Variants in GNL2 observed in about 807,000 individuals in gnomAD.
GNL2 encodes the protein G protein nucleolar 2, also known as nucleolar GTP-binding protein 2.
A neutral mutation model predicts 92.3 loss-of-function variants in GNL2; 51 were observed. That is an observed-to-expected ratio of 0.55 (90% confidence interval 0.44 to 0.70). GNL2 has a LOEUF of 0.70. Among genes scored for constraint, GNL2 ranks in the 30% least tolerant of loss-of-function variants. GNL2 has a pLI of 0.00. For missense variants in GNL2, 844 were observed against 895.6 expected (o/e 0.94, Z 0.74); for synonymous variants, 283 against 300.6 (o/e 0.94, Z 0.61).
intron 12 of GNL2, among the ~76,000 whole-genome samples, chr1:37,573,206 A>T (rs1024209463): frequency 6.6e-6 from 1 of 152,256 alleles, no homozygotes; most frequent in Non-Finnish European, 1.5e-5. Context: ...GTCAATTAAC[A>T]TCAGTTTCAG....
chr1:37,590,841 GT>G lies in GNL2; in HGVS notation c.248del (p.Asn83ThrfsTer4). 1.3e-6 allele frequency: 2 copies of G among 1,562,766 alleles called. No individual in the cohort carries two copies. The highest frequency in any genetic ancestry group is 8.7e-7 in the Non-Finnish European group (1 of 1,155,440). On this transcript the variant is annotated frameshift_variant, in exon 4 of 16. Transcript: ENST00000373062. LOFTEE classifies it high-confidence loss of function. ...RVEPNIKWFG[N>X]TRVIKQSSLQ... Reference sequence around the variant, plus strand: ...ATGATGACTGCTTAATCACACGTGTGTTTCCTGTTTTACAAATAAAGAATGT... The same window carrying G: ...ATGATGACTGCTTAATCACACGTGTGTTCCTGTTTTACAAATAAAGAATGT...
At chr1:37,578,132 C>T (rs1015103151) in intron 8 of GNL2, among the ~76,000 whole-genome samples, 1 of 152,054 alleles carries the variant, frequency 6.6e-6, no homozygotes, top group Admixed American at 6.6e-5. Flanking sequence ...TACAGGATGT[C>T]CTCCCAACAA....
chr1:37,567,534 C>CATAG (rs1187650267), intron 15 of GNL2, 139 bp downstream of exon 15: 55 of 680,682 alleles, frequency 8.1e-5, no homozygotes, highest in Non-Finnish European at 1.5e-4. Flanking sequence ...CAGACCCGAC[C>CATAG]CTATTTATCT....
intron 8 of GNL2, among the ~76,000 whole-genome samples, chr1:37,577,017 C>T (rs1403634534): frequency 6.6e-6 from 1 of 151,424 alleles, no homozygotes; most frequent in Non-Finnish European, 1.5e-5. Flanking sequence ...GAGGCTGAGG[C>T]AGGAGAATCG....
chr1:37,595,718 T>C, intron 1 of GNL2, 41 bp downstream of exon 1: 2 of 1,579,082 alleles, frequency 1.3e-6, no homozygotes, highest in Non-Finnish European at 1.7e-6. Flanking sequence ...TTCCCTATAC[T>C]TCCTCCAAGC....
At chr1:37,574,882 C>T in intron 10 of GNL2, 59 bp from the exon 11 acceptor site, 1 of 1,248,340 alleles carries the variant, frequency 8.0e-7, no homozygotes, top group Non-Finnish European at 1.2e-6. Flanking sequence ...AGTGAAGTTC[C>T]CAGTGTCCTT....
chr1:37,579,551 A>C (rs1332697409), intron 8 of GNL2, among the ~76,000 whole-genome samples: 2 of 147,418 alleles, frequency 1.4e-5, no homozygotes, highest in Non-Finnish European at 1.5e-5. Flanking sequence ...CTGTCTCACA[A>C]AAAAAAAAAA....
At position 37,595,752 on chromosome 1, in the gene GNL2, C is replaced by A; in HGVS notation, c.64+7G>T. ...GCTCCACCCTCGATCAGCCCTGCCGCCTGTACCTGGGTTTGTGCTGGCCTT... is the reference window on the plus strand; with the variant it reads ...GCTCCACCCTCGATCAGCCCTGCCGACTGTACCTGGGTTTGTGCTGGCCTT... On this transcript the variant is annotated splice_region_variant and intron_variant, in intron 1 of 15. Transcript: ENST00000373062. 1 of 1,613,710 alleles carries A rather than the reference C, an allele frequency of 6.2e-7. No individual in the cohort carries two copies. The highest frequency in any genetic ancestry group is 8.5e-7 in the Non-Finnish European group (1 of 1,179,532).
intron 1 of GNL2, among the ~76,000 whole-genome samples, chr1:37,595,325 T>A (rs1033967517): frequency 6.6e-6 from 1 of 152,222 alleles, no homozygotes; most frequent in African/African-American, 2.4e-5. Context: ...CTTTACCAGA[T>A]AGAATAATTC....
chr1:37,575,709 G>GA lies in GNL2; in HGVS notation c.1039-11dup. 6.4e-6 allele frequency: 10 copies of GA among 1,556,422 alleles called. No homozygotes were observed. Among genetic ancestry groups the GA allele is most frequent in the Non-Finnish European group, 8.8e-6 (10 of 1,141,662 alleles). The stretch of plus-strand genomic sequence containing the variant: ...TAATATACTGCCAGACCTGAAGTCA[G>GA]AAAAAAGTCAGAGATGTCCTGTATC... On this transcript the variant is annotated splice_polypyrimidine_tract_variant and intron_variant, in intron 9 of 15. Transcript: ENST00000373062. This position sits in a 1 kb window ranked among gnomAD's most constrained non-coding sequence, Gnocchi z 4.1.
chr1:37,585,777 A>G (rs1438750954), intron 5 of GNL2, among the ~76,000 whole-genome samples: 1 of 152,182 alleles, frequency 6.6e-6, no homozygotes, highest in Admixed American at 6.5e-5. Context: ...GACAATAGCA[A>G]TGAGGTAATA....
At chr1:37,595,674 A>G (rs767299340) in intron 1 of GNL2, 85 bp downstream of exon 1, 6 of 1,142,346 alleles carry the variant, frequency 5.3e-6, no homozygotes, top group Non-Finnish European at 7.9e-6. Flanking sequence ...CCACTCGAGT[A>G]ACCCTCCTTC....
At chr1:37,595,152 A>G (rs1303154192) in intron 1 of GNL2, among the ~76,000 whole-genome samples, 1 of 152,264 alleles carries the variant, frequency 6.6e-6, no homozygotes, top group East Asian at 1.9e-4. Context: ...ATTCTAAACC[A>G]TATTTTAAAA....
intron 12 of GNL2, chr1:37,569,620 T>C (rs1314010725): frequency 1.6e-5 from 4 of 256,988 alleles, no homozygotes; most frequent in South Asian, 6.5e-5. Context: ...GCTGCTGATA[T>C]AAGCACATGC....
intron 8 of GNL2, among the ~76,000 whole-genome samples, chr1:37,579,967 G>C (rs939144061): frequency 6.7e-6 from 1 of 150,128 alleles, no homozygotes; most frequent in Non-Finnish European, 1.5e-5. Flanking sequence ...GCAAATTTCT[G>C]AACAAGAATA....
chr1:37,569,299 G>A lies in GNL2; in HGVS notation c.1420C>T (p.Leu474=). The A allele has an allele frequency of 6.2e-7, 1 of 1,604,922 alleles. No homozygotes were observed. Among genetic ancestry groups the A allele is most frequent in the Non-Finnish European group, 8.5e-7 (1 of 1,176,052 alleles). Residue 474 remains leucine (L), a synonymous_variant, in exon 13 of 16, where the codon CTA becomes TTA. Coordinates refer to ENST00000373062, the MANE Select transcript of GNL2 (RefSeq NM_013285.3). ...NAEPLVAPQL[L]PSSSLEVVPE... is the part of the protein sequence containing the mutation. ...ACAACTTCCAAAGATGAGGAGGGTA[G>A]AAGCTATTAAGGGGTGGAAATGGGG...
chr1:37,592,003 A>C (rs1453639137), intron 3 of GNL2, among the ~76,000 whole-genome samples: 1 of 152,238 alleles, frequency 6.6e-6, no homozygotes, highest in Non-Finnish European at 1.5e-5. Context: ...GCTTCTCTGC[A>C]GAGTTTTGAC....
chr1:37,582,548 CTTCA>C lies in GNL2; in HGVS notation c.796-216_796-213del, dbSNP rs1304845754. Among the ~76,000 whole-genome samples the C allele has an allele frequency of 2.6e-5, 4 of 152,318 alleles. No homozygotes were observed. In the East Asian group the frequency reaches 7.7e-4, roughly 29 times the overall value. On this transcript the variant is annotated intron_variant, in intron 7 of 15. Coordinates refer to ENST00000373062, the MANE Select transcript of GNL2 (RefSeq NM_013285.3). ...TACAAAACAATATTCCAAAAAATGT[CTTCA>C]TTGTTACTAAATGCAATTAATGGAG...
chr1:37,586,930 T>G (rs1236063884), intron 5 of GNL2, among the ~76,000 whole-genome samples: 1 of 152,074 alleles, frequency 6.6e-6, no homozygotes, highest in Non-Finnish European at 1.5e-5. Context: ...AAAGAAAATG[T>G]TTTGTTGCAG....
Sources: allele counts gnomAD v4.1 joint callset (sites outside exome capture counted in the v4.1 genomes callset), GRCh38; gene constraint gnomAD v4.1.1; non-coding constraint Gnocchi (gnomAD v3.1); transcripts MANE v1.5; gene names NCBI Gene and HGNC (gene_info 2026-07-23, HGNC 2026-07-21).